Variants in FRMD3 observed in about 807,000 individuals in gnomAD.
FRMD3 encodes the protein FERM domain-containing protein 3.
Under a neutral mutation model 70.2 loss-of-function variants are expected in FRMD3, and 33 were observed. The ratio of observed to expected loss-of-function variants is 0.47; its 90% CI spans 0.36 to 0.63. The LOEUF (loss-of-function observed/expected upper bound fraction) is 0.63, where lower values mean the gene tolerates loss of function less well. Ranked by LOEUF, FRMD3 falls within the 20% of genes least tolerant of loss-of-function variation. The probability of loss-of-function intolerance (pLI) is 0.00; values close to 1 mark genes in which losing one functional copy is unlikely to be tolerated. For missense variants in FRMD3, 632 were observed against 711.4 expected (o/e 0.89, Z 1.27); for synonymous variants, 279 against 255.9 (o/e 1.09, Z -0.86).
At chr9:83,287,568 C>T (rs866426603) in intron 13 of FRMD3, among the ~76,000 whole-genome samples, 2 of 152,170 alleles carry the variant, frequency 1.3e-5, no homozygotes. Flanking sequence ...CATAATCTGG[C>T]CCTCTCCTAC....
At chr9:83,349,638 G>C (rs780747049) in intron 4 of FRMD3, 41 bp downstream of exon 4, 5 of 1,423,508 alleles carry the variant, frequency 3.5e-6, no homozygotes, top group Non-Finnish European at 4.9e-6. Flanking sequence ...ATTCTGGCTG[G>C]TTAAAGGTGC....
chr9:83,332,515 A>C (rs920901024), intron 6 of FRMD3, among the ~76,000 whole-genome samples: 2 of 151,762 alleles, frequency 1.3e-5, no homozygotes, highest in Non-Finnish European at 2.9e-5. Flanking sequence ...CTCTCTCATT[A>C]ATTTTCTGCC....
At chr9:83,426,124 C>A (rs972337555) in intron 1 of FRMD3, among the ~76,000 whole-genome samples, 3 of 152,124 alleles carry the variant, frequency 2.0e-5, no homozygotes, top group African/African-American at 7.2e-5. Context: ...AAGTTGAATT[C>A]TTCCTATGCC....
intron 6 of FRMD3, among the ~76,000 whole-genome samples, chr9:83,315,811 G>C (rs998851276): frequency 6.6e-6 from 1 of 152,158 alleles, no homozygotes; most frequent in African/African-American, 2.4e-5. Context: ...ACGCACACCG[G>C]GTACCTTCCG....
chr9:83,425,410 G>A (rs1826773814), intron 1 of FRMD3, among the ~76,000 whole-genome samples: 1 of 152,084 alleles, frequency 6.6e-6, no homozygotes, highest in Non-Finnish European at 1.5e-5. Flanking sequence ...GAGAGGTGGG[G>A]GCCATCAGAG....
intron 6 of FRMD3, among the ~76,000 whole-genome samples, chr9:83,331,111 A>T (rs1421365526): frequency 1.3e-5 from 2 of 152,208 alleles, no homozygotes; most frequent in East Asian, 3.8e-4. Context: ...GTATTTACCC[A>T]AATGAGTTGA....
At chr9:83,258,198 C>T (rs1415124948) in intron 13 of FRMD3, among the ~76,000 whole-genome samples, 1 of 152,176 alleles carries the variant, frequency 6.6e-6, no homozygotes, top group Non-Finnish European at 1.5e-5. Context: ...ACCTACTCAG[C>T]AGCTACTGAT....
intron 2 of FRMD3, among the ~76,000 whole-genome samples, chr9:83,374,453 T>A (rs1162663230): frequency 6.6e-6 from 1 of 152,228 alleles, no homozygotes; most frequent in African/African-American, 2.4e-5. Flanking sequence ...TTTTTGCTTC[T>A]GGCTAAAATT....
intron 1 of FRMD3, among the ~76,000 whole-genome samples, chr9:83,510,261 G>C (rs574562404): frequency 4.6e-5 from 7 of 152,186 alleles, no homozygotes; most frequent in African/African-American, 1.7e-4. Flanking sequence ...AAAATGTATA[G>C]TCAAGATGCA....
intron 1 of FRMD3, among the ~76,000 whole-genome samples, chr9:83,473,507 A>C (rs1307772382): frequency 1.3e-5 from 2 of 152,190 alleles, no homozygotes; most frequent in Non-Finnish European, 2.9e-5. Context: ...AGTAAACTCC[A>C]AGTTTCGTAG....
chr9:83,248,522 A>G lies in FRMD3; in HGVS notation c.1196-6T>C, dbSNP rs1832242665. On this transcript the variant is annotated splice_region_variant and splice_polypyrimidine_tract_variant and intron_variant, in intron 13 of 13. Coordinates refer to ENST00000304195, the MANE Select transcript of FRMD3 (RefSeq NM_174938.6). ...CTCTTTAGGCAATGGAACACCTGTA[A>G]AGAGACATTTTTTTTTCTAAATTTA... 13 of 1,544,212 alleles carry G rather than the reference A, an allele frequency of 8.4e-6. No homozygotes were observed. Among genetic ancestry groups the G allele is most frequent in the Non-Finnish European group, 6.9e-6 (8 of 1,152,480 alleles).
chr9:83,353,850 T>C (rs910789283), intron 3 of FRMD3, among the ~76,000 whole-genome samples: 2 of 152,214 alleles, frequency 1.3e-5, no homozygotes, highest in South Asian at 2.1e-4. Flanking sequence ...TCTATTGTTA[T>C]AGGTAACAGA....
intron 13 of FRMD3, among the ~76,000 whole-genome samples, chr9:83,260,920 A>G (rs2118688624): frequency 6.6e-6 from 1 of 152,270 alleles, no homozygotes; most frequent in South Asian, 2.1e-4. Context: ...AAAAATCCTA[A>G]GAATGACATT....
rs1826524851 is a variant in FRMD3, at chr9:83,418,548, AG to A, written c.148-28841del. The stretch of plus-strand genomic sequence containing the variant: ...AAAATGCTCAACATCACTAATCATC[AG>A]GGAATGCAGATTAAAACCACAATCA... On this transcript the variant is annotated intron_variant, in intron 1 of 13. Transcript: ENST00000304195. Among the ~76,000 whole-genome samples the A allele has an allele frequency of 5.9e-5, 9 of 152,370 alleles. No individual in the cohort carries two copies. The South Asian group carries it at 1.9e-3, about 32-fold the overall frequency.
chr9:83,275,613 T>C (rs1444504539), intron 13 of FRMD3, among the ~76,000 whole-genome samples: 4 of 152,198 alleles, frequency 2.6e-5, no homozygotes, highest in Admixed American at 1.3e-4. Context: ...CCATATACTG[T>C]GAACATCATT....
chr9:83,360,087 C>T (rs963733527), intron 3 of FRMD3, among the ~76,000 whole-genome samples: 2 of 152,132 alleles, frequency 1.3e-5, no homozygotes, highest in Non-Finnish European at 2.9e-5. Context: ...TATTTGGCAG[C>T]CCTGGCATCT....
At position 83,245,726 on chromosome 9, in the gene FRMD3, A is replaced by AAATT. The variant is rs1444916323; in HGVS notation, c.*2188_*2191dup. On this transcript the variant is annotated 3_prime_UTR_variant, in exon 14 of 14. Coordinates refer to ENST00000304195, the MANE Select transcript of FRMD3 (RefSeq NM_174938.6). ...TTTGTCATAGTCAGAACTTTAGAGA[A>AAATT]AATTATATGACGCATGATCAGAAGG... is the stretch of plus-strand genomic sequence containing the variant. 2 of 984,212 alleles carry AAATT rather than the reference A, an allele frequency of 2.0e-6. No individual in the cohort carries two copies. Among genetic ancestry groups the AAATT allele is most frequent in the Non-Finnish European group, 1.2e-6 (1 of 828,988 alleles). 61.0% of individuals were successfully genotyped at this position (984,212 alleles called of 1,614,324 possible).
intron 3 of FRMD3, among the ~76,000 whole-genome samples, chr9:83,354,457 C>T (rs1824270112): frequency 6.6e-6 from 1 of 152,052 alleles, no homozygotes; most frequent in African/African-American, 2.4e-5. Flanking sequence ...ACATTGGGTA[C>T]TCATGGACAT....
At chr9:83,426,748 G>A (rs971379375) in intron 1 of FRMD3, among the ~76,000 whole-genome samples, 1 of 152,226 alleles carries the variant, frequency 6.6e-6, no homozygotes, top group East Asian at 1.9e-4. Flanking sequence ...ACAGGCACAA[G>A]GTGGTAAACA....
Sources: gnomAD v4.1 joint callset for allele counts (sites outside exome capture counted in the v4.1 genomes callset) on GRCh38, gnomAD v4.1.1 for gene constraint, MANE v1.5 for transcripts, NCBI Gene and HGNC (gene_info 2026-07-23, HGNC 2026-07-21) for gene names.